ROR1: variants seen among roughly 807,000 people sequenced by gnomAD.
The protein encoded by ROR1 is ROR family WNT receptor 1.
A neutral mutation model predicts 78.8 loss-of-function variants in ROR1; 19 were observed. The ratio of observed to expected loss-of-function variants is 0.24; its 90% CI spans 0.17 to 0.35. ROR1 has a LOEUF of 0.35. ROR1 is among the 10% of genes least tolerant of loss of function. The probability of loss-of-function intolerance (pLI) is 1.00; values close to 1 mark genes in which losing one functional copy is unlikely to be tolerated. For missense variants in ROR1, 917 were observed against 1,177.8 expected, an observed-to-expected ratio of 0.78 and a Z score of 3.24; for synonymous variants, 386 against 433.6, an observed-to-expected ratio of 0.89 and a Z score of 1.36.
chr1:63,825,649 G>A (rs74079322), intron 1 of ROR1, among the ~76,000 whole-genome samples: 4,938 of 152,252 alleles, frequency 0.032, 187 homozygotes, highest in South Asian at 0.095. Flanking sequence ...TACACTAAAT[G>A]GGTGAATGTT....
At chr1:63,814,854 C>T (rs1401355434) in intron 1 of ROR1, among the ~76,000 whole-genome samples, 1 of 152,150 alleles carries the variant, frequency 6.6e-6, no homozygotes, top group African/African-American at 2.4e-5. Flanking sequence ...GGCCATGGAC[C>T]AGTAGGAGAC....
rs189493399 is a variant in ROR1, at chr1:64,153,669, A to G, written c.1175-5312A>G. ...CCAGTCACAGAAAGATAGATACTGA[A>G]TGATCCACTTATATGCAGTACCTAA... On this transcript the variant is annotated intron_variant, in intron 7 of 8. Coordinates refer to ENST00000371079, the MANE Select transcript of ROR1 (RefSeq NM_005012.4). 1.0e-3 allele frequency among the ~76,000 whole-genome samples: 155 copies of G among 152,274 alleles called. 1 individual carries two copies. Among genetic ancestry groups the G allele is most frequent in the African/African-American group, 3.6e-3 (150 of 41,558 alleles).
chr1:64,004,058 CT>C (rs917846341), intron 1 of ROR1, among the ~76,000 whole-genome samples: 14 of 152,324 alleles, frequency 9.2e-5, no homozygotes, highest in African/African-American at 3.4e-4. Flanking sequence ...CATACCACAT[CT>C]TATGGCTATA....
intron 1 of ROR1, among the ~76,000 whole-genome samples, chr1:63,904,409 C>T (rs1462802773): frequency 6.6e-6 from 1 of 152,120 alleles, no homozygotes; most frequent in Non-Finnish European, 1.5e-5. Flanking sequence ...AGGATTTCCC[C>T]AGGATGTAAG....
At chr1:64,088,368 T>C (rs913913276) in intron 4 of ROR1, among the ~76,000 whole-genome samples, 1 of 152,044 alleles carries the variant, frequency 6.6e-6, no homozygotes, top group Non-Finnish European at 1.5e-5. Flanking sequence ...CAGAGACTGG[T>C]CCAAGGATAG....
At chr1:63,838,996 T>G (rs1305677596) in intron 1 of ROR1, among the ~76,000 whole-genome samples, 2 of 152,230 alleles carry the variant, frequency 1.3e-5, no homozygotes, top group Non-Finnish European at 2.9e-5. Context: ...TCATAAAGCC[T>G]AGGTGTGTAG....
In ROR1 at chr1:64,177,642, A is replaced by C; in HGVS notation, c.1601A>C (p.Asn534Thr). 1 of 1,614,146 alleles carries C rather than the reference A, an allele frequency of 6.2e-7. No individual in the cohort carries two copies. Among genetic ancestry groups the C allele is most frequent in the South Asian group, 1.1e-5 (1 of 91,080 alleles). Reference sequence around the variant, plus strand: ...CTAATGGCAGAACTGCACCACCCCAATATTGTCTGCCTTCTAGGTGCCGTC... The same window carrying C: ...CTAATGGCAGAACTGCACCACCCCACTATTGTCTGCCTTCTAGGTGCCGTC... The part of the protein sequence containing the change: ...ASLMAELHHP[N>T]IVCLLGAVTQ... Residue 534 changes from asparagine to threonine, a missense_variant, in exon 9 of 9, where the codon AAT becomes ACT. By Grantham distance (65) the Asn-to-Thr change is moderately conservative. Around this residue, in one of 3 missense-constraint regions of ROR1, gnomAD observed 835 missense variants for 1,069.8 expected, o/e 0.78. Transcript: ENST00000371079.
In ROR1 at chr1:64,178,866, T is replaced by A. The variant is rs114085676; in HGVS notation, c.*11T>A. 2,165 of 1,597,554 alleles carry A rather than the reference T, an allele frequency of 1.4e-3. 30 individuals are homozygous for A. The African/African-American group carries it at 0.02, about 15-fold the overall frequency. ...TCTGCAGAACTGTAAAATGCACAAC[T>A]TTTGTAAATGTGGTATACAGGACAA... On this transcript the variant is annotated 3_prime_UTR_variant, in exon 9 of 9. Transcript: ENST00000371079. This position sits in a 1 kb window ranked among gnomAD's most constrained non-coding sequence, Gnocchi z 4.3.
In ROR1 at chr1:64,178,948, C is replaced by T. The variant is rs972168319; in HGVS notation, c.*93C>T. 9.4e-6 allele frequency: 8 copies of T among 853,392 alleles called. No individual in the cohort carries two copies. The highest frequency in any genetic ancestry group is 1.8e-5 in the South Asian group (1 of 56,506). 52.9% of individuals were successfully genotyped at this position (853,392 alleles called of 1,614,324 possible). ...AATGTTTTTATTAAAGTAAGGTTCTCATTTAGCAGACATCGCAACAAGTAC... is the reference window on the plus strand; with the variant it reads ...AATGTTTTTATTAAAGTAAGGTTCTTATTTAGCAGACATCGCAACAAGTAC... On this transcript the variant is annotated 3_prime_UTR_variant, in exon 9 of 9. Coordinates refer to ENST00000371079, the MANE Select transcript of ROR1 (RefSeq NM_005012.4). The surrounding 1 kb of genome is among the most constrained non-coding windows in gnomAD (Gnocchi z 4.3).
chr1:64,014,180 A>G (rs964014074), intron 2 of ROR1, among the ~76,000 whole-genome samples: 34 of 151,980 alleles, frequency 2.2e-4, no homozygotes, highest in Admixed American at 2.0e-3. Context: ...GTAAAATACA[A>G]TCCATCTCTT....
chr1:64,066,912 A>G (rs992190012), intron 4 of ROR1, among the ~76,000 whole-genome samples: 1 of 152,188 alleles, frequency 6.6e-6, no homozygotes, highest in African/African-American at 2.4e-5. Context: ...CAGGTATACA[A>G]TGTAGTATTT....
At chr1:63,779,926 A>G (rs1432459726) in intron 1 of ROR1, among the ~76,000 whole-genome samples, 1 of 152,166 alleles carries the variant, frequency 6.6e-6, no homozygotes, top group Non-Finnish European at 1.5e-5. Context: ...TTAATGGGAT[A>G]ATCTTGGCAG....
intron 4 of ROR1, among the ~76,000 whole-genome samples, chr1:64,081,993 A>T (rs1362428036): frequency 6.6e-6 from 1 of 152,212 alleles, no homozygotes; most frequent in African/African-American, 2.4e-5. Context: ...TTCCCTTTAA[A>T]AGCAGAGCAT....
At chr1:63,916,853 C>T (rs966172543) in intron 1 of ROR1, among the ~76,000 whole-genome samples, 1 of 152,144 alleles carries the variant, frequency 6.6e-6, no homozygotes, top group Non-Finnish European at 1.5e-5. Flanking sequence ...AAGAGCAAAA[C>T]CCTCAATTTC....
At chr1:63,808,841 G>GTTT (rs11408423) in intron 1 of ROR1, among the ~76,000 whole-genome samples, 7 of 145,606 alleles carry the variant, frequency 4.8e-5, no homozygotes, top group African/African-American at 1.7e-4. Flanking sequence ...TTTCATTTAT[G>GTTT]TTTTTTTTTT....
Position 64,159,059 on chromosome 1 carries a change from T to C in ROR1, c.1253T>C (p.Ile418Thr), listed in dbSNP as rs754278490. The change falls in exon 8 of 9, where the codon ATT (isoleucine) becomes ACT (threonine). Residue 418 changes from isoleucine (I) to threonine (T), a missense_variant. Physicochemically the swap from Ile to Thr is moderately conservative, Grantham distance 89. Coordinates refer to ENST00000371079, the MANE Select transcript of ROR1 (RefSeq NM_005012.4). ...CCAAGTGTGGCCATTCCCCTGGCCATTGCTTTACTCTTCTTCTTCATTTGC... is the reference window on the plus strand; with the variant it reads ...CCAAGTGTGGCCATTCCCCTGGCCACTGCTTTACTCTTCTTCTTCATTTGC... ...LVPSVAIPLA[I>T]ALLFFFICVC... 11 of 1,614,036 alleles carry C rather than the reference T, an allele frequency of 6.8e-6. No homozygotes were observed. The Admixed American group carries it at 1.7e-4, about 24-fold the overall frequency.
rs191354188 is a variant in ROR1, at chr1:63,937,343, T to G, written c.92-71962T>G. ...GAATTGAGATCTGAACTTCAGCAGG[T>G]TTGTGGACTTGCTCTTCTTCCACTC... On this transcript the variant is annotated intron_variant, in intron 1 of 8. Coordinates refer to ENST00000371079, the MANE Select transcript of ROR1 (RefSeq NM_005012.4). 1.0e-3 allele frequency among the ~76,000 whole-genome samples: 153 copies of G among 152,286 alleles called. 1 individual carries two copies. The highest frequency in any genetic ancestry group is 6.2e-3 in the East Asian group (32 of 5,180).
chr1:64,015,119 C>A (rs1020156729), intron 2 of ROR1, among the ~76,000 whole-genome samples: 1 of 151,892 alleles, frequency 6.6e-6, no homozygotes, highest in African/African-American at 2.4e-5. Context: ...TGCAGAGAAA[C>A]TCCTGTTTTT....
intron 1 of ROR1, among the ~76,000 whole-genome samples, chr1:63,933,091 C>A (rs1310319045): frequency 6.6e-6 from 1 of 152,090 alleles, no homozygotes; most frequent in Non-Finnish European, 1.5e-5. Flanking sequence ...AAGAACTGAC[C>A]CTCTTTTTAA....
Sources: allele counts gnomAD v4.1 joint callset (sites outside exome capture counted in the v4.1 genomes callset), GRCh38; gene constraint gnomAD v4.1.1; regional missense constraint gnomAD v4.1.1; non-coding constraint Gnocchi (gnomAD v3.1); transcripts MANE v1.5; gene names NCBI Gene and HGNC (gene_info 2026-07-23, HGNC 2026-07-21).